The following ASPRV1 variants were observed in gnomAD, a reference collection of about 807,000 sequenced individuals.
ASPRV1 encodes the protein aspartic peptidase retroviral like 1.
A neutral mutation model predicts 11.0 loss-of-function variants in ASPRV1; 7 were observed. That is an observed-to-expected ratio of 0.64 (90% CI 0.36 to 1.20). ASPRV1 has a LOEUF of 1.20. ASPRV1 is among the 50% of genes most tolerant of loss of function. The probability of loss-of-function intolerance (pLI) is 0.02; values close to 1 mark genes in which losing one functional copy is unlikely to be tolerated. For synonymous variants in ASPRV1, 136 were observed against 138.4 expected (o/e 0.98, Z 0.12); for missense variants, 299 against 320.0 (o/e 0.93, Z 0.50).
the ASPRV1 span, chr2:70,019,062 G>C: frequency 6.6e-6 from 1 of 152,102 alleles, no homozygotes; most frequent in African/African-American, 2.4e-5. Flanking sequence ...AAACAACTCA[G>C]TAGGAAGAAA....
chr2:69,980,659 C>T, the ASPRV1 span, among the ~76,000 whole-genome samples: 4 of 152,280 alleles, frequency 2.6e-5, no homozygotes, highest in Non-Finnish European at 5.9e-5. Flanking sequence ...TTAGTTTTGG[C>T]AAATGTACCC....
At chr2:69,947,942 A>G in the ASPRV1 span, among the ~76,000 whole-genome samples, 3 of 152,326 alleles carry the variant, frequency 2.0e-5, no homozygotes, top group Non-Finnish European at 4.4e-5. Context: ...ACAGGAAGGA[A>G]TGCCACCCTT....
At chr2:69,988,877 C>A in the ASPRV1 span, 1 of 452,896 alleles carries the variant, frequency 2.2e-6, no homozygotes, top group Middle Eastern at 3.3e-4. Context: ...CAAGAGGTCA[C>A]ACACAGGTTC....
chr2:70,073,728 C>T, the ASPRV1 span, among the ~76,000 whole-genome samples: 3 of 152,032 alleles, frequency 2.0e-5, no homozygotes, highest in East Asian at 1.9e-4. Context: ...TGGCCAGAGG[C>T]TGGGTTCCCT....
downstream of ASPRV1, among the ~76,000 whole-genome samples, chr2:69,955,869 CTA>C (rs944952163): frequency 7.9e-5 from 12 of 152,128 alleles, no homozygotes; most frequent in Non-Finnish European, 1.3e-4. Context: ...GAAGTGGACT[CTA>C]TGGTTTTCTT....
chr2:70,026,997 T>C, the ASPRV1 span, among the ~76,000 whole-genome samples: 1 of 152,114 alleles, frequency 6.6e-6, no homozygotes, highest in Non-Finnish European at 1.5e-5. Context: ...ACGCCTGTAA[T>C]CCCAGCACTT....
the ASPRV1 span, among the ~76,000 whole-genome samples, chr2:70,053,299 C>A: frequency 6.6e-6 from 1 of 151,986 alleles, no homozygotes. Context: ...ATGCCACAAA[C>A]AAGGAACTGG....
the ASPRV1 span, among the ~76,000 whole-genome samples, chr2:70,044,731 T>C: frequency 6.6e-6 from 1 of 152,198 alleles, no homozygotes; most frequent in Non-Finnish European, 1.5e-5. Context: ...AGTGCTGGGA[T>C]TCCGGGCGTG....
chr2:70,021,070 T>C, the ASPRV1 span, among the ~76,000 whole-genome samples: 4 of 152,144 alleles, frequency 2.6e-5, no homozygotes, highest in African/African-American at 7.2e-5. Context: ...ATGCTCACCA[T>C]TGCTCCCTCC....
chr2:69,975,495 A>T, the ASPRV1 span: 1 of 152,222 alleles, frequency 6.6e-6, no homozygotes, highest in African/African-American at 2.4e-5. Context: ...GAATTACTTG[A>T]GGAAAAGACT....
At chr2:69,976,227 G>A in the ASPRV1 span, 1 of 152,504 alleles carries the variant, frequency 6.6e-6, no homozygotes, top group South Asian at 2.1e-4. Flanking sequence ...CAGACCCAGT[G>A]CTGCCCTCCC....
chr2:69,971,466 G>C, the ASPRV1 span, among the ~76,000 whole-genome samples: 1 of 152,146 alleles, frequency 6.6e-6, no homozygotes, highest in African/African-American at 2.4e-5. Context: ...AGAACGTTAG[G>C]ACCCTGCCTC....
At chr2:69,940,578 G>A in the ASPRV1 span, 1 of 152,578 alleles carries the variant, frequency 6.6e-6, no homozygotes. Context: ...GAGTTAAACT[G>A]CATTTTTGTC....
At chr2:70,009,882 G>A in the ASPRV1 span, among the ~76,000 whole-genome samples, 1 of 152,170 alleles carries the variant, frequency 6.6e-6, no homozygotes, top group Admixed American at 6.5e-5. Context: ...TAATTTAGAT[G>A]TATCTGTAGG....
the ASPRV1 span, chr2:69,939,877 C>CA: frequency 3.3e-5 from 5 of 152,542 alleles, no homozygotes; most frequent in Admixed American, 3.3e-4. Context: ...GAAGCTCCCC[C>CA]AGCGCCTGCA....
At chr2:70,083,872 G>A in the ASPRV1 span, among the ~76,000 whole-genome samples, 1 of 152,204 alleles carries the variant, frequency 6.6e-6, no homozygotes, top group East Asian at 1.9e-4. Flanking sequence ...TGACAGATGA[G>A]TTGTAGAAGT....
chr2:70,030,591 C>T, the ASPRV1 span: 409 of 152,256 alleles, frequency 2.7e-3, no homozygotes, highest in Non-Finnish European at 4.3e-3. Context: ...GCAAGGCTTT[C>T]CAGACATTAG....
At chr2:70,065,339 C>T in the ASPRV1 span, among the ~76,000 whole-genome samples, 12 of 138,412 alleles carry the variant, frequency 8.7e-5, no homozygotes, top group East Asian at 2.1e-4. Flanking sequence ...TGCAATGAGC[C>T]GAGATGGCGC....
chr2:70,072,487 C>T, the ASPRV1 span, among the ~76,000 whole-genome samples: 1 of 150,734 alleles, frequency 6.6e-6, no homozygotes, highest in African/African-American at 2.4e-5. Context: ...CTTTGGGAGG[C>T]CGAGGCGGGA....
Sources: allele counts gnomAD v4.1 joint callset (sites outside exome capture counted in the v4.1 genomes callset), GRCh38; gene constraint gnomAD v4.1.1; transcripts MANE v1.5; gene names NCBI Gene and HGNC (gene_info 2026-07-23, HGNC 2026-07-21).